TM7SF3: variants seen among roughly 807,000 people sequenced by gnomAD.
TM7SF3 encodes seven span transmembrane protein.
Under a neutral mutation model 65.5 loss-of-function variants are expected in TM7SF3, and 60 were observed. The ratio of observed to expected loss-of-function variants is 0.92; its 90% CI spans 0.74 to 1.14. TM7SF3 has a LOEUF of 1.14. Ranked by LOEUF, TM7SF3 falls within the 50% of genes most tolerant of loss-of-function variation. TM7SF3 has a pLI of 0.00. For missense variants in TM7SF3, 623 were observed against 684.8 expected (o/e 0.91, Z 1.01); for synonymous variants, 264 against 259.6 (o/e 1.02, Z -0.16).
intron 5 of TM7SF3, among the ~76,000 whole-genome samples, chr12:26,994,944 C>T (rs948008236): frequency 9.9e-4 from 150 of 152,234 alleles, no homozygotes; most frequent in African/African-American, 3.5e-3. Flanking sequence ...ACCCAGTAGT[C>T]GTGGGAGTAC....
chr12:27,013,642 C>T (rs1484087), intron 1 of TM7SF3, among the ~76,000 whole-genome samples: 81,003 of 151,832 alleles, frequency 0.53, 21,906 homozygotes, highest in African/African-American at 0.59. Context: ...GTTTGAAAAG[C>T]CTCTAGATTT....
chr12:26,975,530 G>A lies in TM7SF3; in HGVS notation c.1416C>T (p.His472=). Residue 472 remains histidine, a synonymous_variant, in exon 11 of 12, where the codon CAC becomes CAT. Coordinates refer to ENST00000343028, the MANE Select transcript of TM7SF3 (RefSeq NM_016551.3). The stretch of plus-strand genomic sequence containing the variant: ...GAAAAGGCACATTTGTGAAAGCTCT[G>A]TGGAAATCCTTGTTGAGCGCTCTCT... The part of the protein sequence containing the change: ...VLKRALNKDF[H]RAFTNVPFQT... 6.2e-7 allele frequency: 1 copy of A among 1,614,148 alleles called. No homozygotes were observed.
intron 5 of TM7SF3, among the ~76,000 whole-genome samples, chr12:26,993,103 G>A (rs1490052221): frequency 6.6e-6 from 1 of 151,600 alleles, no homozygotes; most frequent in African/African-American, 2.4e-5. Context: ...GTGAGGTTTT[G>A]CCACGTTGCC....
intron 11 of TM7SF3, 116 bp from the exon 12 acceptor site, chr12:26,974,343 G>T: frequency 1.8e-6 from 2 of 1,140,354 alleles, no homozygotes; most frequent in Non-Finnish European, 2.4e-6. Context: ...TTTCTGGTGA[G>T]TTAGTCCAAA....
chr12:26,996,909 C>A lies in TM7SF3; in HGVS notation c.398-47G>T, dbSNP rs781072195. On this transcript the variant is annotated intron_variant, in intron 3 of 11. Coordinates refer to ENST00000343028, the MANE Select transcript of TM7SF3 (RefSeq NM_016551.3). ...TACTAAACAAACAATTCCTACATATCCAAATCATACTCAGAAAAACAGAAC... is the reference window on the plus strand; with the variant it reads ...TACTAAACAAACAATTCCTACATATACAAATCATACTCAGAAAAACAGAAC... 3 of 1,555,334 alleles carry A rather than the reference C, an allele frequency of 1.9e-6. No homozygotes were observed. In the Admixed American group the frequency reaches 6.4e-5, roughly 33 times the overall value.
At position 26,999,642 on chromosome 12, in the gene TM7SF3, G is replaced by A; in HGVS notation, c.281C>T (p.Ala94Val). ...TCTAAGGATGAAAACCAGTCCACTG[G>A]CAGTGCCTGTTTCCGAGGAATTGGA... ...LLSNSSETGTASGLVFILRPE... is the reference protein window; with the variant it reads ...LLSNSSETGTVSGLVFILRPE... The change falls in exon 3 of 12, where the codon GCC becomes GTC. Residue 94 changes from alanine (A) to valine (V), a missense_variant. Ala to Val is a moderately conservative substitution (Grantham distance 64). Coordinates refer to ENST00000343028, the MANE Select transcript of TM7SF3 (RefSeq NM_016551.3). 1 of 1,614,128 alleles carries A rather than the reference G, an allele frequency of 6.2e-7. No individual in the cohort carries two copies. The highest frequency in any genetic ancestry group is 8.5e-7 in the Non-Finnish European group (1 of 1,180,042).
chr12:27,002,402 C>T (rs905099932), intron 2 of TM7SF3, among the ~76,000 whole-genome samples: 10 of 151,608 alleles, frequency 6.6e-5, no homozygotes, highest in African/African-American at 2.4e-4. Context: ...GACCACATTC[C>T]GGCGTGGGTG....
intron 1 of TM7SF3, among the ~76,000 whole-genome samples, chr12:27,009,933 A>G (rs1222903188): frequency 6.6e-6 from 1 of 152,026 alleles, no homozygotes; most frequent in Non-Finnish European, 1.5e-5. Context: ...CCATTGTACA[A>G]TTTTTTTCAG....
chr12:26,997,630 C>T (rs1052417732), intron 3 of TM7SF3, among the ~76,000 whole-genome samples: 1 of 152,056 alleles, frequency 6.6e-6, no homozygotes, highest in African/African-American at 2.4e-5. Context: ...CTAACTAGCG[C>T]TCCCTCTCCT....
At chr12:26,986,416 C>T (rs867715656) in intron 6 of TM7SF3, among the ~76,000 whole-genome samples, 3 of 152,180 alleles carry the variant, frequency 2.0e-5, no homozygotes, top group Middle Eastern at 3.4e-3. Flanking sequence ...CATCCACTGA[C>T]TCCCACCCTA....
At position 26,973,198 on chromosome 12, in the gene TM7SF3, G is replaced by A. The variant is rs975333442; in HGVS notation, c.*767C>T. 39 of 146,820 alleles carry A rather than the reference G, an allele frequency of 2.7e-4. No individual in the cohort carries two copies. Among genetic ancestry groups the A allele is most frequent in the African/African-American group, 8.0e-4 (32 of 39,850 alleles). The allele number at this position is 146,820 out of a possible 1,614,324, so 9.1% of individuals were successfully genotyped here. A position where few individuals can be genotyped will look rare whatever the true frequency, so the allele number is the denominator to read the frequency against. On this transcript the variant is annotated 3_prime_UTR_variant, in exon 12 of 12. Coordinates refer to ENST00000343028, the MANE Select transcript of TM7SF3 (RefSeq NM_016551.3). ...AAGTTTTTTTTTTTTTTAATTTCTC[G>A]AGACAGGGTCTCTGTCACCCAAGCT...
At chr12:26,989,522 T>C (rs766325704) in intron 6 of TM7SF3, among the ~76,000 whole-genome samples, 58 of 152,014 alleles carry the variant, frequency 3.8e-4, no homozygotes, top group Non-Finnish European at 5.3e-4. Context: ...CAAAGGTCAA[T>C]TGCATATAGA....
Position 26,973,944 on chromosome 12 carries a change from A to ACTGAC in TM7SF3, c.*16_*20dup. The ACTGAC allele has an allele frequency of 3.7e-6, 6 of 1,610,846 alleles. No individual in the cohort carries two copies. Among genetic ancestry groups the ACTGAC allele is most frequent in the Non-Finnish European group, 5.1e-6 (6 of 1,178,968 alleles). ...GGCATGAACTCCAAAGCTGAGGCAC[A>ACTGAC]CTGACCAAGCCCCTGGGCATCTACA... On this transcript the variant is annotated 3_prime_UTR_variant, in exon 12 of 12. Transcript: ENST00000343028.
intron 6 of TM7SF3, among the ~76,000 whole-genome samples, chr12:26,987,636 A>C (rs1940157857): frequency 6.6e-6 from 1 of 152,248 alleles, no homozygotes; most frequent in South Asian, 2.1e-4. Flanking sequence ...GATGGCAACA[A>C]ATAAACATAG....
chr12:26,992,949 G>A (rs1385517454), intron 5 of TM7SF3, among the ~76,000 whole-genome samples: 2 of 126,196 alleles, frequency 1.6e-5, no homozygotes, highest in African/African-American at 6.1e-5. Context: ...TCACTCTGTC[G>A]CCCAGGCTAC....
chr12:26,990,101 G>A (rs1045138445), intron 6 of TM7SF3, among the ~76,000 whole-genome samples: 2 of 152,148 alleles, frequency 1.3e-5, no homozygotes, highest in East Asian at 3.8e-4. Context: ...CCAGGTACGT[G>A]CGTGGTGCAT....
At chr12:26,983,521 A>C in intron 6 of TM7SF3, 1 of 454,486 alleles carries the variant, frequency 2.2e-6, no homozygotes, top group Non-Finnish European at 4.4e-6. Context: ...CATGATGACC[A>C]GGGATTTGCT....
intron 5 of TM7SF3, among the ~76,000 whole-genome samples, chr12:26,994,818 C>A (rs1300285310): frequency 6.6e-6 from 1 of 152,226 alleles, no homozygotes. Context: ...GAATTTTACT[C>A]CAAGTTAGAC....
At position 27,014,240 on chromosome 12, in the gene TM7SF3, G is replaced by T. The variant is rs1187162313; in HGVS notation, c.-72C>A. 3 of 1,451,870 alleles carry T rather than the reference G, an allele frequency of 2.1e-6. No homozygotes were observed. Among genetic ancestry groups the T allele is most frequent in the Non-Finnish European group, 1.9e-6 (2 of 1,076,236 alleles). 89.9% of individuals were successfully genotyped at this position (1,451,870 alleles called of 1,614,324 possible). ...CGGGCGTGCGCGCCGGGGCCCCGCA[G>T]CCTCGCCCACGCTATCCCGGGGCGC... On this transcript the variant is annotated 5_prime_UTR_variant, in exon 1 of 12. In the 5' UTR this introduces an upstream ATG that the reference lacks. Transcript: ENST00000343028.
Sources: allele counts gnomAD v4.1 joint callset (sites outside exome capture counted in the v4.1 genomes callset), GRCh38; gene constraint gnomAD v4.1.1; transcripts MANE v1.5; gene names NCBI Gene and HGNC (gene_info 2026-07-23, HGNC 2026-07-21).